ASCC3: variants seen among roughly 807,000 people sequenced by gnomAD.
The protein encoded by ASCC3 is ASC-1 complex subunit P200.
In ASCC3, 158 loss-of-function variants were observed where a neutral mutation model predicts 256.3. That is an observed-to-expected ratio of 0.62 (90% confidence interval 0.54 to 0.70). The LOEUF (loss-of-function observed/expected upper bound fraction) is 0.70. Among genes scored for constraint, ASCC3 ranks in the 30% least tolerant of loss-of-function variants. The probability of loss-of-function intolerance (pLI) is 0.00; values close to 1 mark genes in which losing one functional copy is unlikely to be tolerated. For missense variants in ASCC3, 2,259 were observed against 2,626.0 expected (o/e 0.86, Z 3.05); for synonymous variants, 948 against 883.4 (o/e 1.07, Z -1.30).
At chr6:100,659,202 G>A (rs1776067890) in intron 16 of ASCC3, among the ~76,000 whole-genome samples, 1 of 151,346 alleles carries the variant, frequency 6.6e-6, no homozygotes, top group South Asian at 2.1e-4. Flanking sequence ...ATGTTGATTA[G>A]TGCAACTGTA....
chr6:100,674,284 AT>A (rs896110795), intron 14 of ASCC3, among the ~76,000 whole-genome samples: 4 of 151,486 alleles, frequency 2.6e-5, no homozygotes, highest in East Asian at 1.9e-4. Context: ...TTTTTAAGAA[AT>A]TTTTTTTCAT....
At chr6:100,571,930 A>G (rs1442590669) in intron 36 of ASCC3, among the ~76,000 whole-genome samples, 2 of 152,232 alleles carry the variant, frequency 1.3e-5, no homozygotes, top group African/African-American at 4.8e-5. Flanking sequence ...TTATAATGTA[A>G]CATTTAATGT....
chr6:100,606,781 T>C lies in ASCC3; in HGVS notation c.5003A>G (p.Tyr1668Cys), dbSNP rs1478840188. The change falls in exon 32 of 42, where the codon TAT becomes TGT. Residue 1668 changes from tyrosine (Y) to cysteine (C), a missense_variant. Physicochemically the swap from Tyr to Cys is radical, Grantham distance 194. Coordinates refer to ENST00000369162, the MANE Select transcript of ASCC3 (RefSeq NM_006828.4). Reference sequence around the variant, plus strand: ...CACATAACGTCTTGTTTTTCCATCATAGTATTCTGTTCCCTTAATAATTAC... The same window carrying C: ...CACATAACGTCTTGTTTTTCCATCACAGTATTCTGTTCCCTTAATAATTAC... Reference protein sequence around the residue: ...HLVIIKGTEYYDGKTRRYVDF... With the variant: ...HLVIIKGTEYCDGKTRRYVDF... 5.0e-6 allele frequency: 8 copies of C among 1,610,262 alleles called. No homozygotes were observed. The highest frequency in any genetic ancestry group is 2.2e-5 in the East Asian group (1 of 44,694).
intron 36 of ASCC3, among the ~76,000 whole-genome samples, chr6:100,586,814 C>G (rs116462474): frequency 0.034 from 5,105 of 152,118 alleles, 260 homozygotes; most frequent in African/African-American, 0.12. Context: ...AACCAAAAGA[C>G]AAATGTAATG....
chr6:100,524,834 C>T (rs1774487213), intron 37 of ASCC3, among the ~76,000 whole-genome samples: 1 of 151,826 alleles, frequency 6.6e-6, no homozygotes, highest in African/African-American at 2.4e-5. Flanking sequence ...CTCCTTTTTC[C>T]CATATCTCTT....
intron 30 of ASCC3, among the ~76,000 whole-genome samples, chr6:100,623,932 C>T (rs1774094850): frequency 6.7e-6 from 1 of 149,682 alleles, no homozygotes; most frequent in Non-Finnish European, 1.5e-5. Flanking sequence ...CACATGGACA[C>T]AGGAAGGGGA....
chr6:100,795,867 C>A (rs1369423177), intron 8 of ASCC3, among the ~76,000 whole-genome samples: 1 of 151,988 alleles, frequency 6.6e-6, no homozygotes, highest in East Asian at 1.9e-4. Flanking sequence ...CTACCTGGTA[C>A]AAAAAAGATC....
chr6:100,644,056 T>A lies in ASCC3; in HGVS notation c.3707A>T (p.Glu1236Val). 6.2e-7 allele frequency: 1 copy of A among 1,612,286 alleles called. No homozygotes were observed. Residue 1236 changes from glutamate (E) to valine (V), a missense_variant, in exon 23 of 42, where the codon GAG (glutamate) becomes GTG (valine). By Grantham distance (121) the Glu-to-Val change is moderately radical (BLOSUM62 -2). Coordinates refer to ENST00000369162, the MANE Select transcript of ASCC3 (RefSeq NM_006828.4). The part of the protein sequence containing the change: ...DPTNDHIYHS[E>V]YFLALKKQVI... ...TTGTTTTTTTAGAGCTAGAAAATAC[T>A]CTGAATGATAAATATGATCATTTGT...
intron 10 of ASCC3, among the ~76,000 whole-genome samples, chr6:100,754,002 C>G (rs1052183620): frequency 1.3e-5 from 2 of 152,042 alleles, no homozygotes; most frequent in African/African-American, 4.8e-5. Context: ...AATTTTAAAC[C>G]ATGACTAAAT....
At chr6:100,803,276 G>C (rs1770012529) in intron 5 of ASCC3, among the ~76,000 whole-genome samples, 1 of 152,088 alleles carries the variant, frequency 6.6e-6, no homozygotes, top group Admixed American at 6.6e-5. Context: ...TAATCCCCAG[G>C]TGTTGAGGGA....
intron 36 of ASCC3, among the ~76,000 whole-genome samples, chr6:100,562,781 G>A (rs986440103): frequency 4.0e-5 from 6 of 151,866 alleles, no homozygotes; most frequent in African/African-American, 1.2e-4. Context: ...CAATTGAAAC[G>A]TCAAGTTTCA....
At chr6:100,807,285 T>A (rs1770232955) in intron 4 of ASCC3, among the ~76,000 whole-genome samples, 1 of 151,568 alleles carries the variant, frequency 6.6e-6, no homozygotes, top group African/African-American at 2.4e-5. Flanking sequence ...ATATATAACT[T>A]GTGACACCCA....
Position 100,509,422 on chromosome 6 carries a change from CT to C in ASCC3, c.6572del (p.Lys2191ArgfsTer6), listed in dbSNP as rs761640443. 3 of 1,614,178 alleles carry C rather than the reference CT, an allele frequency of 1.9e-6. No individual in the cohort carries two copies. The highest frequency in any genetic ancestry group is 2.5e-6 in the Non-Finnish European group (3 of 1,180,032). On this transcript the variant is annotated frameshift_variant, in exon 42 of 42. Transcript: ENST00000369162. LOFTEE classifies it high-confidence loss of function. Reference sequence around the variant, plus strand: ...CCAGGTCAGTCAGGGAATCAGAGACCTTGGTGTTGACCTGTGCAGAAAGACT... The same window carrying C: ...CCAGGTCAGTCAGGGAATCAGAGACCTGGTGTTGACCTGTGCAGAAAGACT... ...QASLSAQVNT[K>X]VSDSLTDLAL...
intron 34 of ASCC3, among the ~76,000 whole-genome samples, chr6:100,592,573 A>G (rs902010636): frequency 6.6e-6 from 1 of 152,030 alleles, no homozygotes; most frequent in African/African-American, 2.4e-5. Context: ...TTTGGGAGTT[A>G]ATATATTTTG....
At chr6:100,512,206 T>C (rs1010814061) in intron 40 of ASCC3, among the ~76,000 whole-genome samples, 1 of 152,206 alleles carries the variant, frequency 6.6e-6, no homozygotes, top group African/African-American at 2.4e-5. Context: ...CTTAATGTCT[T>C]ATTCAAATTC....
In ASCC3 at chr6:100,540,362, G is replaced by A; in HGVS notation, c.5576C>T (p.Pro1859Leu). 1 of 1,612,858 alleles carries A rather than the reference G, an allele frequency of 6.2e-7. No individual in the cohort carries two copies. The highest frequency in any genetic ancestry group is 8.5e-7 in the Non-Finnish European group (1 of 1,179,724). ...LSDAEEYTDLPVRHNEDHMNS... is the reference protein window; with the variant it reads ...LSDAEEYTDLLVRHNEDHMNS... ...CATATGATCTTCATTGTGTCTCACT[G>A]GCAAATCTGTATATTCTTCTGCATC... Residue 1859 changes from proline to leucine, a missense_variant, in exon 37 of 42, where the codon CCA becomes CTA. Physicochemically the swap from Pro to Leu is moderately conservative, Grantham distance 98. Transcript: ENST00000369162.
chr6:100,672,153 T>C (rs1776784547), intron 14 of ASCC3, among the ~76,000 whole-genome samples: 1 of 152,042 alleles, frequency 6.6e-6, no homozygotes, highest in Admixed American at 6.6e-5. Flanking sequence ...TAACTCAATT[T>C]TTTCTTAGCA....
intron 10 of ASCC3, among the ~76,000 whole-genome samples, chr6:100,736,396 G>A (rs1470779658): frequency 6.6e-6 from 1 of 152,042 alleles, no homozygotes; most frequent in African/African-American, 2.4e-5. Flanking sequence ...CAGCTACTCA[G>A]AAGCTGAGGC....
intron 36 of ASCC3, among the ~76,000 whole-genome samples, chr6:100,566,838 T>A (rs76324801): frequency 0.018 from 2,697 of 152,270 alleles, 73 homozygotes; most frequent in African/African-American, 0.062. Context: ...AGGATACTCC[T>A]AGCTGTATTT....
Sources: gnomAD v4.1 joint callset for allele counts (sites outside exome capture counted in the v4.1 genomes callset) on GRCh38, gnomAD v4.1.1 for gene constraint, MANE v1.5 for transcripts, NCBI Gene and HGNC (gene_info 2026-07-23, HGNC 2026-07-21) for gene names.